The following GTF2E2 variants were observed in gnomAD, a reference collection of about 807,000 sequenced individuals.
GTF2E2 encodes the protein transcription initiation factor IIE subunit beta.
Under a neutral mutation model 40.5 loss-of-function variants are expected in GTF2E2, and 21 were observed. That is an observed-to-expected ratio of 0.52 (90% confidence interval 0.37 to 0.75). GTF2E2 has a LOEUF of 0.75. GTF2E2 is among the 30% of genes least tolerant of loss of function. The pLI, the probability that GTF2E2 is intolerant of heterozygous loss-of-function variation, is 0.00. For synonymous variants in GTF2E2, 117 were observed against 121.6 expected, an observed-to-expected ratio of 0.96 and a Z score of 0.25; for missense variants, 298 against 338.4, an observed-to-expected ratio of 0.88 and a Z score of 0.94.
At chr8:30,607,021 T>C (rs1354330433) in intron 6 of GTF2E2, 36 bp downstream of exon 6, 5 of 750,826 alleles carry the variant, frequency 6.7e-6, no homozygotes, top group Admixed American at 2.5e-5. Flanking sequence ...AATTGTAATA[T>C]ACTTGCAAAC....
At chr8:30,597,473 C>G (rs1829044391) in intron 6 of GTF2E2, 1 of 152,238 alleles carries the variant, frequency 6.6e-6, no homozygotes, top group Non-Finnish European at 1.5e-5. Flanking sequence ...TGTCTGCAGC[C>G]CCCCAGGCGA....
At chr8:30,615,942 G>A (rs1378583005) in intron 3 of GTF2E2, among the ~76,000 whole-genome samples, 1 of 152,142 alleles carries the variant, frequency 6.6e-6, no homozygotes, top group Non-Finnish European at 1.5e-5. Context: ...CAGTAGGTGA[G>A]TGGGTAAATA....
chr8:30,600,415 A>G (rs1829143908), intron 6 of GTF2E2, among the ~76,000 whole-genome samples: 1 of 152,186 alleles, frequency 6.6e-6, no homozygotes, highest in Admixed American at 6.5e-5. Context: ...ATTCTGTTCC[A>G]AGTTCCAAGC....
At chr8:30,640,321 C>T (rs1801769141) in intron 2 of GTF2E2, among the ~76,000 whole-genome samples, 1 of 152,162 alleles carries the variant, frequency 6.6e-6, no homozygotes, top group African/African-American at 2.4e-5. Flanking sequence ...ATCTGGCAAC[C>T]CAAAGGTTCC....
At position 30,653,434 on chromosome 8, in the gene GTF2E2, A is replaced by C. The variant is rs1345886300; in HGVS notation, c.165T>G (p.Ser55=). ...ACAGTCCTAAACAATTTTACTAACC[A>C]GAATTTTGTTTAGAGCCTGACGATC... ...HGGSSGSKQN[S]DHSNGSFNLK... Residue 55 remains serine (S), a splice_region_variant and synonymous_variant, in exon 2 of 8, where the codon TCT becomes TCG. Coordinates refer to ENST00000355904, the MANE Select transcript of GTF2E2 (RefSeq NM_002095.6). 1 of 1,610,020 alleles carries C rather than the reference A, an allele frequency of 6.2e-7. No homozygotes were observed. Among genetic ancestry groups the C allele is most frequent in the Non-Finnish European group, 8.5e-7 (1 of 1,177,808 alleles).
Position 30,607,073 on chromosome 8 carries a change from C to G in GTF2E2, c.627G>C (p.Gln209His). The change falls in exon 6 of 8, where the codon CAG becomes CAC. Residue 209 changes from glutamine (Q) to histidine (H), a missense_variant. Physicochemically the swap from Gln to His is conservative, Grantham distance 24. Transcript: ENST00000355904. The part of the protein sequence containing the change: ...KILFFNDKSC[Q>H]FSVDEEFQKL... ...AAAGCTCACCTTCATCCACAGAAAA[C>G]TGACAGCTCTTATCATTGAAGAAAA... 2 of 1,403,578 alleles carry G rather than the reference C, an allele frequency of 1.4e-6. No homozygotes were observed. The highest frequency in any genetic ancestry group is 2.0e-6 in the Non-Finnish European group (2 of 1,007,680). 86.9% of individuals were successfully genotyped at this position (1,403,578 alleles called of 1,614,324 possible).
intron 3 of GTF2E2, among the ~76,000 whole-genome samples, chr8:30,630,155 ATAATT>A (rs1406503017): frequency 6.6e-6 from 1 of 152,216 alleles, no homozygotes; most frequent in African/African-American, 2.4e-5. Flanking sequence ...GTCACTGAAC[ATAATT>A]TAATCTTTTT....
chr8:30,632,043 G>A (rs1031504596), intron 3 of GTF2E2, among the ~76,000 whole-genome samples: 7 of 152,142 alleles, frequency 4.6e-5, no homozygotes, highest in African/African-American at 1.7e-4. Context: ...CTAGGAGATC[G>A]AGGCTGCAGT....
intron 2 of GTF2E2, among the ~76,000 whole-genome samples, chr8:30,642,955 T>C (rs978741111): frequency 2.0e-5 from 3 of 152,216 alleles, no homozygotes; most frequent in South Asian, 4.1e-4. Context: ...AGATGAGATA[T>C]CTCTTTTTTG....
chr8:30,582,438 T>C (rs1828540996), intron 6 of GTF2E2, among the ~76,000 whole-genome samples: 1 of 152,226 alleles, frequency 6.6e-6, no homozygotes, highest in African/African-American at 2.4e-5. Context: ...CTTCCCCTAA[T>C]GTTAACACCT....
intron 3 of GTF2E2, among the ~76,000 whole-genome samples, chr8:30,628,803 C>T (rs912968824): frequency 1.6e-4 from 24 of 152,146 alleles, no homozygotes; most frequent in African/African-American, 3.4e-4. Flanking sequence ...TGGTGGCACA[C>T]GCCTGTAATC....
intron 6 of GTF2E2, among the ~76,000 whole-genome samples, chr8:30,605,854 TC>T (rs1203941210): frequency 6.6e-6 from 1 of 151,998 alleles, no homozygotes; most frequent in Non-Finnish European, 1.5e-5. Context: ...AGAGATAGGG[TC>T]TCACTTTTTT....
chr8:30,598,869 C>G (rs982067357), intron 6 of GTF2E2, among the ~76,000 whole-genome samples: 3 of 152,132 alleles, frequency 2.0e-5, no homozygotes, highest in Non-Finnish European at 4.4e-5. Context: ...TAAAACAAGA[C>G]AATCTTTGGC....
chr8:30,578,689 G>C lies in GTF2E2; in HGVS notation c.*232C>G, dbSNP rs899324314. 2 of 412,934 alleles carry C rather than the reference G, an allele frequency of 4.8e-6. No homozygotes were observed. Among genetic ancestry groups the C allele is most frequent in the Non-Finnish European group, 4.4e-6 (1 of 227,192 alleles). 25.6% of individuals were successfully genotyped at this position (412,934 alleles called of 1,614,324 possible). On this transcript the variant is annotated 3_prime_UTR_variant, in exon 8 of 8. Coordinates refer to ENST00000355904, the MANE Select transcript of GTF2E2 (RefSeq NM_002095.6). Reference sequence around the variant, plus strand: ...CAAAGACACCTGCATGCCACGCTCAGCGCCTTTCTCCCAGGGAGTAACAGA... The same window carrying C: ...CAAAGACACCTGCATGCCACGCTCACCGCCTTTCTCCCAGGGAGTAACAGA...
chr8:30,604,592 G>T (rs928717047), intron 6 of GTF2E2, among the ~76,000 whole-genome samples: 3 of 152,100 alleles, frequency 2.0e-5, no homozygotes, highest in African/African-American at 4.8e-5. Context: ...CAAACTAAAA[G>T]AATAAACATC....
chr8:30,588,065 A>G (rs1828735094), intron 6 of GTF2E2, among the ~76,000 whole-genome samples: 1 of 152,212 alleles, frequency 6.6e-6, no homozygotes, highest in Non-Finnish European at 1.5e-5. Flanking sequence ...CAAAAAGAGG[A>G]AAGATAACAT....
At chr8:30,622,194 C>T (rs748243612) in intron 3 of GTF2E2, among the ~76,000 whole-genome samples, 28 of 135,624 alleles carry the variant, frequency 2.1e-4, no homozygotes, top group Non-Finnish European at 4.1e-4. Context: ...AGGGAACCTG[C>T]CCCAATAGTC....
At chr8:30,583,159 CTG>C (rs1828561071) in intron 6 of GTF2E2, among the ~76,000 whole-genome samples, 1 of 152,078 alleles carries the variant, frequency 6.6e-6, no homozygotes, top group African/African-American at 2.4e-5. Flanking sequence ...CATGGTGAAA[CTG>C]TGTCTCTACT....
At chr8:30,608,081 A>G (rs1829375693) in intron 5 of GTF2E2, among the ~76,000 whole-genome samples, 1 of 152,208 alleles carries the variant, frequency 6.6e-6, no homozygotes, top group African/African-American at 2.4e-5. Context: ...TCTACCCTTG[A>G]GAGCAAAGAC....
Sources: gnomAD v4.1 joint callset for allele counts (sites outside exome capture counted in the v4.1 genomes callset) on GRCh38, gnomAD v4.1.1 for gene constraint, MANE v1.5 for transcripts, NCBI Gene and HGNC (gene_info 2026-07-23, HGNC 2026-07-21) for gene names.